Variants in SORCS2 observed in about 807,000 individuals in gnomAD.
SORCS2 encodes VPS10 domain-containing receptor SorCS2.
SORCS2 carries 100 observed loss-of-function variants against 141.6 expected under a neutral mutation model. The ratio of observed to expected loss-of-function variants is 0.71; its 90% CI spans 0.60 to 0.83. SORCS2 has a LOEUF of 0.83. Ranked by LOEUF, SORCS2 falls within the 40% of genes least tolerant of loss-of-function variation. The pLI is 0.00. For synonymous variants in SORCS2, 789 were observed against 676.9 expected (o/e 1.17, Z -2.57); for missense variants, 1,646 against 1,560.2 (o/e 1.05, Z -0.93).
At chr4:7,551,294 TTCC>T (rs762310046) in intron 3 of SORCS2, among the ~76,000 whole-genome samples, 1 of 137,832 alleles carries the variant, frequency 7.3e-6, no homozygotes, top group African/African-American at 2.6e-5. Flanking sequence ...GGTCTTCTTC[TTCC>T]AGTTTGGTTC....
At chr4:7,582,901 C>T (rs1353301771) in intron 3 of SORCS2, among the ~76,000 whole-genome samples, 1 of 152,192 alleles carries the variant, frequency 6.6e-6, no homozygotes, top group Non-Finnish European at 1.5e-5. Context: ...ACTGCCCTCT[C>T]TACTGATTGG....
At chr4:7,406,020 C>T (rs1322625550) in intron 2 of SORCS2, among the ~76,000 whole-genome samples, 2 of 151,756 alleles carry the variant, frequency 1.3e-5, no homozygotes, top group East Asian at 3.9e-4. Flanking sequence ...CCTTCTTTGC[C>T]TAGTTTGTAT....
chr4:7,540,702 G>A (rs553541050), intron 3 of SORCS2, among the ~76,000 whole-genome samples: 15 of 152,324 alleles, frequency 9.8e-5, no homozygotes, highest in East Asian at 7.7e-4. Flanking sequence ...GAGGGAGGGC[G>A]GGGGAGACAG....
chr4:7,655,036 A>C lies in SORCS2; in HGVS notation c.887+829A>C, dbSNP rs551875250. Among the ~76,000 whole-genome samples, 6 of 152,246 alleles carry C rather than the reference A, an allele frequency of 3.9e-5. No homozygotes were observed. The South Asian group carries it at 1.2e-3, about 32-fold the overall frequency. Reference sequence around the variant, plus strand: ...GGCTGTGGAGGATGAGGGCTTGCCCAGGGTCTTAGGCAGCAGCATGGGGCC... The same window carrying C: ...GGCTGTGGAGGATGAGGGCTTGCCCCGGGTCTTAGGCAGCAGCATGGGGCC... On this transcript the variant is annotated intron_variant, in intron 5 of 26. Coordinates refer to ENST00000507866, the MANE Select transcript of SORCS2 (RefSeq NM_020777.3).
intron 3 of SORCS2, among the ~76,000 whole-genome samples, chr4:7,586,942 T>C (rs545906871): frequency 2.2e-4 from 33 of 152,200 alleles, no homozygotes; most frequent in African/African-American, 7.7e-4. Context: ...CATTCTTTTC[T>C]GCTTGGATGT....
chr4:7,206,109 G>A (rs1292995640), intron 1 of SORCS2, among the ~76,000 whole-genome samples: 3 of 152,120 alleles, frequency 2.0e-5, no homozygotes, highest in African/African-American at 7.2e-5. Flanking sequence ...GGTAGGACTC[G>A]GCTGGAGGGA....
chr4:7,445,872 C>G (rs560160239), intron 2 of SORCS2, among the ~76,000 whole-genome samples: 1 of 152,284 alleles, frequency 6.6e-6, no homozygotes, highest in Non-Finnish European at 1.5e-5. Context: ...GGGCCACAGG[C>G]AGCATCCCCA....
At chr4:7,683,211 T>C (rs932214653) in intron 10 of SORCS2, among the ~76,000 whole-genome samples, 1 of 151,946 alleles carries the variant, frequency 6.6e-6, no homozygotes, top group Non-Finnish European at 1.5e-5. Flanking sequence ...TGGGCTGAGC[T>C]GGGCAGCTCT....
chr4:7,326,544 A>G (rs1719272512), intron 1 of SORCS2, among the ~76,000 whole-genome samples: 1 of 152,190 alleles, frequency 6.6e-6, no homozygotes, highest in South Asian at 2.1e-4. Context: ...AGGCAGACTC[A>G]TCACCTGAAC....
At chr4:7,642,749 G>A (rs1247240755) in intron 4 of SORCS2, among the ~76,000 whole-genome samples, 1 of 152,116 alleles carries the variant, frequency 6.6e-6, no homozygotes, top group Non-Finnish European at 1.5e-5. Context: ...AGGCTCTGCT[G>A]GGCTTTGCTG....
chr4:7,258,936 G>C (rs1714123833), intron 1 of SORCS2, among the ~76,000 whole-genome samples: 2 of 152,182 alleles, frequency 1.3e-5, no homozygotes, highest in African/African-American at 4.8e-5. Flanking sequence ...TTTGAGAAGT[G>C]TCTGTTCATA....
chr4:7,327,992 T>TA (rs1228021747), intron 1 of SORCS2, among the ~76,000 whole-genome samples: 1 of 149,854 alleles, frequency 6.7e-6, no homozygotes, highest in Non-Finnish European at 1.5e-5. Context: ...TTTGAGGACC[T>TA]ACTGTGTGCT....
intron 3 of SORCS2, among the ~76,000 whole-genome samples, chr4:7,601,358 T>C (rs573525045): frequency 1.3e-5 from 2 of 152,164 alleles, no homozygotes; most frequent in South Asian, 4.2e-4. Flanking sequence ...CAAACAGTAG[T>C]AGTGCAACTT....
At chr4:7,566,369 G>T (rs1449619246) in intron 3 of SORCS2, among the ~76,000 whole-genome samples, 1 of 152,150 alleles carries the variant, frequency 6.6e-6, no homozygotes, top group Non-Finnish European at 1.5e-5. Context: ...TGATGACTCT[G>T]CTACTGCTGC....
intron 14 of SORCS2, among the ~76,000 whole-genome samples, chr4:7,709,993 C>G (rs1450330226): frequency 6.6e-6 from 1 of 152,116 alleles, no homozygotes; most frequent in Non-Finnish European, 1.5e-5. Context: ...TTCCTAAGAC[C>G]CAGAATTAAC....
intron 1 of SORCS2, among the ~76,000 whole-genome samples, chr4:7,285,913 G>C (rs1445176156): frequency 6.6e-6 from 1 of 152,204 alleles, no homozygotes; most frequent in African/African-American, 2.4e-5. Flanking sequence ...TTAGGAGCCT[G>C]GCGTGAGGCC....
intron 8 of SORCS2, among the ~76,000 whole-genome samples, chr4:7,675,389 G>C (rs1723044531): frequency 6.6e-6 from 1 of 152,162 alleles, no homozygotes; most frequent in Non-Finnish European, 1.5e-5. Flanking sequence ...CTCAGGGCTG[G>C]CAGGGACCGG....
At chr4:7,333,545 C>G (rs966973067) in intron 1 of SORCS2, among the ~76,000 whole-genome samples, 1 of 152,070 alleles carries the variant, frequency 6.6e-6, no homozygotes, top group Non-Finnish European at 1.5e-5. Flanking sequence ...GTTTCAAGAT[C>G]GGGAGACTGA....
chr4:7,462,797 G>A (rs1208612149), intron 2 of SORCS2, among the ~76,000 whole-genome samples: 2 of 150,800 alleles, frequency 1.3e-5, no homozygotes, highest in Non-Finnish European at 2.9e-5. Context: ...AATAACAACA[G>A]CATGTTGTGA....
Sources: allele counts gnomAD v4.1 joint callset (sites outside exome capture counted in the v4.1 genomes callset), GRCh38; gene constraint gnomAD v4.1.1; transcripts MANE v1.5; gene names NCBI Gene and HGNC (gene_info 2026-07-23, HGNC 2026-07-21).